The following SLC24A2 variants were observed in gnomAD, a reference collection of about 807,000 sequenced individuals.
SLC24A2 encodes solute carrier family 24 member 2, also known as sodium/potassium/calcium exchanger 2.
Under a neutral mutation model 62.0 loss-of-function variants are expected in SLC24A2, and 36 were observed. The observed-to-expected ratio is 0.58, with a 90% CI of 0.44 to 0.77. SLC24A2 has a LOEUF of 0.77. Ranked by LOEUF, SLC24A2 falls within the 30% of genes least tolerant of loss-of-function variation. SLC24A2 has a pLI of 0.00. For missense variants in SLC24A2, 846 were observed against 817.9 expected (o/e 1.03, Z -0.42); for synonymous variants, 358 against 294.0 (o/e 1.22, Z -2.23).
chr9:20,183,035 T>A, the SLC24A2 span, among the ~76,000 whole-genome samples: 4 of 152,310 alleles, frequency 2.6e-5, no homozygotes, highest in African/African-American at 9.6e-5. Context: ...TTAACTCTCA[T>A]GTTTTAAAAA....
intron 8 of SLC24A2, among the ~76,000 whole-genome samples, chr9:19,530,768 G>A (rs937270476): frequency 1.3e-5 from 2 of 152,180 alleles, no homozygotes; most frequent in African/African-American, 4.8e-5. Context: ...TGCATTAGGG[G>A]CTCAATGAAG....
At chr9:20,132,896 A>C in the SLC24A2 span, among the ~76,000 whole-genome samples, 5 of 152,228 alleles carry the variant, frequency 3.3e-5, no homozygotes, top group South Asian at 2.1e-4. Flanking sequence ...GATCTTACTA[A>C]GTGGTATAAT....
At chr9:20,175,994 T>G in the SLC24A2 span, among the ~76,000 whole-genome samples, 8 of 151,912 alleles carry the variant, frequency 5.3e-5, no homozygotes, top group African/African-American at 1.9e-4. Flanking sequence ...TGTGGAGGAT[T>G]TGGAAGGGCA....
At chr9:19,567,315 G>T (rs1213311579) in intron 7 of SLC24A2, among the ~76,000 whole-genome samples, 2 of 151,848 alleles carry the variant, frequency 1.3e-5, no homozygotes, top group Admixed American at 6.6e-5. Flanking sequence ...GGGAGGCCGA[G>T]GTGGGTGGAT....
chr9:19,958,278 G>C, the SLC24A2 span: 1 of 152,222 alleles, frequency 6.6e-6, no homozygotes, highest in Non-Finnish European at 1.5e-5. Flanking sequence ...AGGTGATTTA[G>C]AGCTGAGTGC....
At chr9:20,304,357 T>A in the SLC24A2 span, among the ~76,000 whole-genome samples, 2 of 152,140 alleles carry the variant, frequency 1.3e-5, no homozygotes, top group East Asian at 1.9e-4. Flanking sequence ...GCCTGAGTGA[T>A]CTTTTTTTGA....
At chr9:19,941,965 A>G in the SLC24A2 span, among the ~76,000 whole-genome samples, 2 of 152,348 alleles carry the variant, frequency 1.3e-5, no homozygotes, top group Non-Finnish European at 2.9e-5. Context: ...AAGATAAAAT[A>G]TGAAAATGTA....
chr9:19,859,608 C>T, the SLC24A2 span, among the ~76,000 whole-genome samples: 1 of 152,184 alleles, frequency 6.6e-6, no homozygotes, highest in Admixed American at 6.5e-5. Flanking sequence ...TCTACATGCA[C>T]AATAAATCAC....
chr9:19,531,557 A>T (rs571318171), intron 8 of SLC24A2, among the ~76,000 whole-genome samples: 1 of 152,338 alleles, frequency 6.6e-6, no homozygotes, highest in Admixed American at 6.5e-5. Context: ...TCAGAGTGAT[A>T]TCGGCTTGGC....
intron 2 of SLC24A2, among the ~76,000 whole-genome samples, chr9:19,738,078 G>GA (rs1189192348): frequency 6.6e-6 from 1 of 152,104 alleles, no homozygotes; most frequent in Non-Finnish European, 1.5e-5. Flanking sequence ...GATGAGTGAG[G>GA]AAAAAAAGCT....
At chr9:20,000,087 A>T in the SLC24A2 span, among the ~76,000 whole-genome samples, 1 of 152,174 alleles carries the variant, frequency 6.6e-6, no homozygotes, top group Non-Finnish European at 1.5e-5. Flanking sequence ...TCTGCAACTA[A>T]AAAACCACAT....
At chr9:20,083,257 C>T in the SLC24A2 span, among the ~76,000 whole-genome samples, 2 of 152,232 alleles carry the variant, frequency 1.3e-5, no homozygotes, top group Admixed American at 6.5e-5. Flanking sequence ...TAGCTACTTG[C>T]TCTTTGGGGC....
At chr9:19,978,315 G>C in the SLC24A2 span, among the ~76,000 whole-genome samples, 2 of 152,098 alleles carry the variant, frequency 1.3e-5, no homozygotes, top group Non-Finnish European at 2.9e-5. Context: ...AGTTCCTCAA[G>C]AAGAGAGCCT....
chr9:19,737,204 A>T (rs919112103), intron 2 of SLC24A2, among the ~76,000 whole-genome samples: 50 of 152,328 alleles, frequency 3.3e-4, no homozygotes, highest in African/African-American at 1.1e-3. Context: ...TCCACATTCT[A>T]CATATCTGAA....
At chr9:19,557,522 C>T (rs1835155456) in intron 7 of SLC24A2, among the ~76,000 whole-genome samples, 3 of 152,178 alleles carry the variant, frequency 2.0e-5, no homozygotes. Flanking sequence ...TTTAATCATC[C>T]ATGTGTAATT....
chr9:20,081,554 C>T, the SLC24A2 span, among the ~76,000 whole-genome samples: 1 of 151,832 alleles, frequency 6.6e-6, no homozygotes, highest in Non-Finnish European at 1.5e-5. Context: ...GGGTGCAGCA[C>T]ACCAGCATGG....
the SLC24A2 span, among the ~76,000 whole-genome samples, chr9:19,897,644 G>T: frequency 6.6e-6 from 1 of 152,098 alleles, no homozygotes; most frequent in African/African-American, 2.4e-5. Context: ...AAATAGAAAG[G>T]TTCTAATATT....
rs146107758 is a variant in SLC24A2 at position 19,611,188 on chromosome 9, G to C, written c.1078+8396C>G. On this transcript the variant is annotated intron_variant, in intron 4 of 10. Transcript: ENST00000341998. ...ATATCTAGAAAAAGGGGGAACATGTGTAAGGGCCCTGAGGCAGGAGTGTGC... is the reference window on the plus strand; with the variant it reads ...ATATCTAGAAAAAGGGGGAACATGTCTAAGGGCCCTGAGGCAGGAGTGTGC... Among the ~76,000 whole-genome samples, 649 of 152,222 alleles carry C rather than the reference G, an allele frequency of 4.3e-3. 4 individuals carry two copies. Among genetic ancestry groups the C allele is most frequent in the Non-Finnish European group, 7.9e-3 (537 of 68,026 alleles).
At chr9:19,990,926 T>C in the SLC24A2 span, among the ~76,000 whole-genome samples, 1 of 144,542 alleles carries the variant, frequency 6.9e-6, no homozygotes, top group Non-Finnish European at 1.5e-5. Flanking sequence ...TAATAGGATA[T>C]ATATATATAT....
Sources: gnomAD v4.1 joint callset for allele counts (sites outside exome capture counted in the v4.1 genomes callset) on GRCh38, gnomAD v4.1.1 for gene constraint, MANE v1.5 for transcripts, NCBI Gene and HGNC (gene_info 2026-07-23, HGNC 2026-07-21) for gene names.